ARHGEF6: variants seen among roughly 807,000 people sequenced by gnomAD.
ARHGEF6 encodes the protein rho guanine nucleotide exchange factor 6.
ARHGEF6 carries 9 observed loss-of-function variants against 70.3 expected under a neutral mutation model. That is an observed-to-expected ratio of 0.13 (90% CI 0.08 to 0.22). ARHGEF6 has a LOEUF of 0.22. Ranked by LOEUF, ARHGEF6 falls within the 10% of genes least tolerant of loss-of-function variation. The pLI, the probability that ARHGEF6 is intolerant of heterozygous loss-of-function variation, is 1.00. For missense variants in ARHGEF6, 470 were observed against 563.0 expected (o/e 0.83, Z 1.67); for synonymous variants, 201 against 207.8 (o/e 0.97, Z 0.28).
chrX:136,728,448 C>A (rs1420930074), intron 6 of ARHGEF6, among the ~76,000 whole-genome samples: 1 of 109,913 alleles, frequency 9.1e-6, no homozygotes, highest in Non-Finnish European at 1.9e-5. Flanking sequence ...CTGAAATCAG[C>A]AGATAATCCC....
At chrX:136,689,551 T>C (rs2076438018) in intron 10 of ARHGEF6, among the ~76,000 whole-genome samples, 1 of 111,985 alleles carries the variant, frequency 8.9e-6, no homozygotes, top group South Asian at 3.7e-4. Flanking sequence ...GTCAACACCT[T>C]CCTGAGCCCT....
intron 2 of ARHGEF6, among the ~76,000 whole-genome samples, chrX:136,764,174 A>G (rs1279856097): frequency 1.8e-5 from 2 of 111,221 alleles, no homozygotes; most frequent in African/African-American, 6.6e-5. Context: ...CTTTCAAAAA[A>G]AAAAAAATCA....
At chrX:136,739,023 C>T (rs1164748532) in intron 5 of ARHGEF6, among the ~76,000 whole-genome samples, 5 of 111,184 alleles carry the variant, frequency 4.5e-5, no homozygotes, top group African/African-American at 1.6e-4. Context: ...CACGCTACCT[C>T]CAGAAAGATC....
At chrX:136,713,220 C>A (rs1474932280) in intron 7 of ARHGEF6, 56 bp downstream of exon 7, 1 of 908,538 alleles carries the variant, frequency 1.1e-6, no homozygotes, top group Non-Finnish European at 1.6e-6. Flanking sequence ...ATAATGATTC[C>A]ATATGTTGAC....
chrX:136,743,839 G>A, intron 4 of ARHGEF6, 53 bp from the exon 5 acceptor site: 1 of 1,103,974 alleles, frequency 9.1e-7, no homozygotes, highest in Non-Finnish European at 1.3e-6. Context: ...TAAGGCAGGG[G>A]TAGAAATGAT....
chrX:136,743,489 G>T, intron 5 of ARHGEF6, 96 bp downstream of exon 5: 1 of 894,073 alleles, frequency 1.1e-6, no homozygotes, highest in Non-Finnish European at 1.6e-6. Flanking sequence ...AGTATAAACA[G>T]CTTCTGTTAA....
At chrX:136,718,217 T>G (rs1353366735) in intron 6 of ARHGEF6, among the ~76,000 whole-genome samples, 1 of 111,847 alleles carries the variant, frequency 8.9e-6, no homozygotes, top group African/African-American at 3.2e-5. Flanking sequence ...GGAGTGGCTA[T>G]GTTAATTTTA....
At chrX:136,767,120 C>A in intron 2 of ARHGEF6, 1 of 754,877 alleles carries the variant, frequency 1.3e-6, no homozygotes, top group Non-Finnish European at 1.6e-6. Context: ...CTTCCCCTGA[C>A]CCTTTTGCCC....
At chrX:136,737,576 G>C in intron 5 of ARHGEF6, 2 of 676,831 alleles carry the variant, frequency 3.0e-6, no homozygotes, top group Non-Finnish European at 3.5e-6. Flanking sequence ...AATAAAGCCC[G>C]GGCACGGTGG....
intron 2 of ARHGEF6, among the ~76,000 whole-genome samples, chrX:136,774,863 AAC>A (rs1221599450): frequency 9.1e-6 from 1 of 109,392 alleles, no homozygotes; most frequent in African/African-American, 3.3e-5. Context: ...GAGAGAAAGA[AAC>A]AGAGATTGAG....
intron 9 of ARHGEF6, among the ~76,000 whole-genome samples, chrX:136,704,683 G>A (rs1287155339): frequency 1.8e-5 from 2 of 111,551 alleles, no homozygotes; most frequent in East Asian, 5.7e-4. Flanking sequence ...TTCAGATCTC[G>A]TGAGAACTCA....
intron 20 of ARHGEF6, among the ~76,000 whole-genome samples, chrX:136,671,817 T>C (rs890575075): frequency 1.8e-5 from 2 of 112,058 alleles, no homozygotes; most frequent in Non-Finnish European, 3.8e-5. Context: ...GAGGGCTCTG[T>C]CACCGCTGCT....
rs192613712 is a variant in ARHGEF6 at position 136,698,183 on chromosome X, A to G, written c.1047-7435T>C. ...TGAACTGGCAGAAGAAAGAATCTGT[A>G]AACTTAAAATACATCAATAGAGATT... On this transcript the variant is annotated intron_variant, in intron 9 of 21. Transcript: ENST00000250617. Among the ~76,000 whole-genome samples, 90 of 112,039 alleles carry G rather than the reference A, an allele frequency of 8.0e-4. 1 individual carries two copies. Among genetic ancestry groups the G allele is most frequent in the African/African-American group, 2.8e-3 (88 of 30,883 alleles).
Position 136,729,000 on chromosome X carries a change from TTCTCTCTCTCTCTCTCTC to T in ARHGEF6, c.732+3084_732+3101del, listed in dbSNP as rs746818580. 9.3e-4 allele frequency among the ~76,000 whole-genome samples: 15 copies of T among 16,071 alleles called. No homozygotes were observed. The East Asian group carries it at 0.01, about 11-fold the overall frequency. The allele number at this position is 16,071 out of a possible 115,157, so 14.0% of individuals were successfully genotyped here. Reference sequence around the variant, plus strand: ...GTCACATGTGCCAATTCCTTATTCATTCTCTCTCTCTCTCTCTCTCTCTCTCTCTCTCTCTCTCTCTCT... The same window carrying T: ...GTCACATGTGCCAATTCCTTATTCATTCTCTCTCTCTCTCTCTCTCTCTCT... On this transcript the variant is annotated intron_variant, in intron 6 of 21. Coordinates refer to ENST00000250617, the MANE Select transcript of ARHGEF6 (RefSeq NM_004840.3).
At position 136,751,407 on chromosome X, in the gene ARHGEF6, C is replaced by T. The variant is rs761961335; in HGVS notation, c.250-3815G>A. ...CATATGAGAATAAACTTTCCCAACTCCCTGTTCCATTCCCTCACTTATCTT... is the reference window on the plus strand; with the variant it reads ...CATATGAGAATAAACTTTCCCAACTTCCTGTTCCATTCCCTCACTTATCTT... On this transcript the variant is annotated intron_variant, in intron 2 of 21. Transcript: ENST00000250617. 3.6e-5 allele frequency among the ~76,000 whole-genome samples: 4 copies of T among 112,163 alleles called. No homozygotes were observed. The South Asian group carries it at 1.5e-3, about 42-fold the overall frequency.
chrX:136,713,344 T>A lies in ARHGEF6; in HGVS notation c.759A>T (p.Glu253Asp). The A allele has an allele frequency of 8.3e-7, 1 of 1,207,658 alleles. No homozygotes were observed. Among genetic ancestry groups the A allele is most frequent in the South Asian group, 1.8e-5 (1 of 56,917 alleles). The change falls in exon 7 of 22, where the codon GAA becomes GAT. Residue 253 changes from glutamate to aspartate, a missense_variant. Coordinates refer to ENST00000250617, the MANE Select transcript of ARHGEF6 (RefSeq NM_004840.3). ...TVVLQNILDT[E>D]KEYAKELQSL... The stretch of plus-strand genomic sequence containing the variant: ...ACTGAAGTTCTTTAGCATATTCTTT[T>A]TCAGTGTCCAGGATGTTCTGTAACA...
At chrX:136,724,037 T>C (rs1248115270) in intron 6 of ARHGEF6, among the ~76,000 whole-genome samples, 1 of 111,077 alleles carries the variant, frequency 9.0e-6, no homozygotes, top group Non-Finnish European at 1.9e-5. Flanking sequence ...TTAAATCTTC[T>C]AATCTTTTTG....
intron 6 of ARHGEF6, among the ~76,000 whole-genome samples, chrX:136,723,023 C>T (rs1167783410): frequency 2.7e-5 from 3 of 112,462 alleles, no homozygotes; most frequent in Admixed American, 9.4e-5. Flanking sequence ...AAATATTATG[C>T]TAAGTGAAAG....
intron 5 of ARHGEF6, among the ~76,000 whole-genome samples, chrX:136,735,571 G>C (rs1393638687): frequency 1.8e-5 from 2 of 111,431 alleles, no homozygotes; most frequent in African/African-American, 6.5e-5. Flanking sequence ...AATCCAACCA[G>C]TGCGGGGGGA....
Sources: allele counts gnomAD v4.1 joint callset (sites outside exome capture counted in the v4.1 genomes callset), GRCh38; gene constraint gnomAD v4.1.1; transcripts MANE v1.5; gene names NCBI Gene and HGNC (gene_info 2026-07-23, HGNC 2026-07-21).